Variants in SEPSECS observed in about 807,000 individuals in gnomAD.
SEPSECS encodes Sep (O-phosphoserine) tRNA:Sec (selenocysteine) tRNA synthase.
SEPSECS carries 42 observed loss-of-function variants against 52.1 expected under a neutral mutation model. That is an observed-to-expected ratio of 0.81 (90% CI 0.63 to 1.04). The LOEUF is 1.04. SEPSECS is among the 50% of genes least tolerant of loss of function. The probability of loss-of-function intolerance (pLI) is 0.00; values close to 1 mark genes in which losing one functional copy is unlikely to be tolerated. For missense variants in SEPSECS, 590 were observed against 610.6 expected (o/e 0.97, Z 0.36); for synonymous variants, 216 against 211.4 (o/e 1.02, Z -0.19).
Position 25,121,285 on chromosome 4 carries a change from T to C in SEPSECS, c.*2646A>G, listed in dbSNP as rs1728114277. 6.6e-6 allele frequency: 1 copy of C among 152,148 alleles called. No homozygotes were observed. The highest frequency in any genetic ancestry group is 1.9e-4 in the East Asian group (1 of 5,190). The allele number at this position is 152,148 out of a possible 1,614,324, so 9.4% of individuals were successfully genotyped here. ...TTCCCTGCCATGTATAAGTAACACATTGTGTAGTGACCAAAAGAATATTCT... is the reference window on the plus strand; with the variant it reads ...TTCCCTGCCATGTATAAGTAACACACTGTGTAGTGACCAAAAGAATATTCT... On this transcript the variant is annotated 3_prime_UTR_variant, in exon 11 of 11. Transcript: ENST00000382103.
rs1577598185 is a variant in SEPSECS at position 25,124,222 on chromosome 4, A to G, written c.1215T>C (p.Val405=). The G allele has an allele frequency of 6.2e-7, 1 of 1,613,162 alleles. No homozygotes were observed. Among genetic ancestry groups the G allele is most frequent in the South Asian group, 1.1e-5 (1 of 91,044 alleles). ...CAGTTTGCATGGACCCAAGAGGCACAACCCTGAAAGAAGAAAGATTTACCA... is the reference window on the plus strand; with the variant it reads ...CAGTTTGCATGGACCCAAGAGGCACGACCCTGAAAGAAGAAAGATTTACCA... ...LFTRQVSGAR[V]VPLGSMQTVS... Residue 405 remains valine (V), a synonymous_variant, in exon 11 of 11, where the codon GTT becomes GTC. Transcript: ENST00000382103.
At chr4:25,137,589 G>A (rs912905866) in intron 8 of SEPSECS, among the ~76,000 whole-genome samples, 4 of 152,150 alleles carry the variant, frequency 2.6e-5, no homozygotes, top group Admixed American at 6.5e-5. Flanking sequence ...AGGTTGCAGA[G>A]AAATAGGAAC....
chr4:25,153,433 G>A (rs1712429106), intron 5 of SEPSECS, among the ~76,000 whole-genome samples: 1 of 150,412 alleles, frequency 6.6e-6, no homozygotes, highest in Admixed American at 6.6e-5. Flanking sequence ...TGGTTAGGGT[G>A]TGTTAAAAAA....
At chr4:25,160,555 G>T, upstream of SEPSECS, 1 of 520,118 alleles carries the variant, frequency 1.9e-6, no homozygotes, top group African/African-American at 2.0e-5. Flanking sequence ...CTTCTCAGAT[G>T]GCGCTCCAGG....
In SEPSECS at chr4:25,122,440, T is replaced by C. The variant is rs1210458632; in HGVS notation, c.*1491A>G. ...GAAGGCAACACAGCATTCTCTACCA[T>C]AGTGTTTTTAAAAGTATGTTCAATG... On this transcript the variant is annotated 3_prime_UTR_variant, in exon 11 of 11. Transcript: ENST00000382103. 6.6e-6 allele frequency: 1 copy of C among 152,186 alleles called. No homozygotes were observed. The highest frequency in any genetic ancestry group is 1.5e-5 in the Non-Finnish European group (1 of 68,014). The allele number at this position is 152,186 out of a possible 1,614,324, so 9.4% of individuals were successfully genotyped here. A position where few individuals can be genotyped will look rare whatever the true frequency, so the allele number is the denominator to read the frequency against.
chr4:25,145,687 T>G (rs1257843063), intron 6 of SEPSECS, among the ~76,000 whole-genome samples: 1 of 152,182 alleles, frequency 6.6e-6, no homozygotes, highest in Non-Finnish European at 1.5e-5. Context: ...CTATAACTAT[T>G]AAGTGGTTTT....
chr4:25,157,751 T>C (rs1290673863), intron 2 of SEPSECS, among the ~76,000 whole-genome samples: 1 of 152,118 alleles, frequency 6.6e-6, no homozygotes, highest in Non-Finnish European at 1.5e-5. Context: ...TTCACCATGT[T>C]AGCCAGGATG....
rs1712697235 is a variant in SEPSECS, at chr4:25,156,948, C to T, written c.296G>A (p.Gly99Asp). ...TTTTGGTTGCACAGCAGAAATATCA[C>T]CGGATCGTCCAATGCCATGAATGAA... ...YRFIHGIGRS[G>D]DISAVQPKAA... is the part of the protein sequence containing the mutation. Residue 99 changes from glycine (G) to aspartate (D), a missense_variant, in exon 3 of 11, where the codon GGT becomes GAT. By Grantham distance (94) the Gly-to-Asp change is moderately conservative. Transcript: ENST00000382103. 1 of 1,612,266 alleles carries T rather than the reference C, an allele frequency of 6.2e-7. No homozygotes were observed.
chr4:25,154,320 A>G (rs1712484075), intron 5 of SEPSECS, among the ~76,000 whole-genome samples: 1 of 152,168 alleles, frequency 6.6e-6, no homozygotes, highest in Admixed American at 6.5e-5. Context: ...AAGTCAATAT[A>G]GTGCTTACAA....
chr4:25,160,342 C>T lies in SEPSECS; in HGVS notation c.28G>A (p.Glu10Lys). The change falls in exon 1 of 11, where the codon GAG becomes AAG. Residue 10 changes from glutamate (E) to lysine (K), a missense_variant. Coordinates refer to ENST00000382103, the MANE Select transcript of SEPSECS (RefSeq NM_016955.4). The part of the protein sequence containing the change: MNRESFAAG[E>K]RLVSPAYVRQ... ...ACGTAAGCCGGCGACACCAGCCGCT[C>T]TCCCGCCGCGAAGCTCTCGCGGTTC... 1 of 1,548,570 alleles carries T rather than the reference C, an allele frequency of 6.5e-7. No individual in the cohort carries two copies.
chr4:25,153,332 A>G (rs1311793566), intron 5 of SEPSECS, among the ~76,000 whole-genome samples: 2 of 151,826 alleles, frequency 1.3e-5, no homozygotes, highest in South Asian at 4.1e-4. Flanking sequence ...TTCTTTGAAA[A>G]TAAGGCTCCA....
chr4:25,134,650 C>T (rs1194328096), intron 8 of SEPSECS, among the ~76,000 whole-genome samples: 1 of 151,918 alleles, frequency 6.6e-6, no homozygotes, highest in Non-Finnish European at 1.5e-5. Flanking sequence ...GTTTAATTTG[C>T]TAATTAAATA....
chr4:25,152,089 GACAT>G, intron 5 of SEPSECS, 27 bp from the exon 6 acceptor site: 1 of 1,254,464 alleles, frequency 8.0e-7, no homozygotes, highest in Non-Finnish European at 1.2e-6. Context: ...TCAATAGAAA[GACAT>G]ACTCACACTG....
chr4:25,122,204 C>T lies in SEPSECS; in HGVS notation c.*1727G>A, dbSNP rs886059345. On this transcript the variant is annotated 3_prime_UTR_variant, in exon 11 of 11. Transcript: ENST00000382103. ...ATAAAATAAATACATTTTTAAATAACCTTCATGATATTCATAGTTAAATAC... is the reference window on the plus strand; with the variant it reads ...ATAAAATAAATACATTTTTAAATAATCTTCATGATATTCATAGTTAAATAC... 7.9e-5 allele frequency: 12 copies of T among 152,022 alleles called. No individual in the cohort carries two copies. Among genetic ancestry groups the T allele is most frequent in the Non-Finnish European group, 1.3e-4 (9 of 67,966 alleles). The allele number at this position is 152,022 out of a possible 1,614,324, so 9.4% of individuals were successfully genotyped here.
At chr4:25,146,248 A>C (rs762433725) in intron 6 of SEPSECS, among the ~76,000 whole-genome samples, 13 of 152,208 alleles carry the variant, frequency 8.5e-5, no homozygotes, top group Non-Finnish European at 1.6e-4. Flanking sequence ...TATCTGAGGG[A>C]GAACAGAAGG....
At chr4:25,153,425 G>C (rs1712428470) in intron 5 of SEPSECS, among the ~76,000 whole-genome samples, 1 of 151,074 alleles carries the variant, frequency 6.6e-6, no homozygotes, top group African/African-American at 2.4e-5. Context: ...TCTGTTAATG[G>C]TTAGGGTGTG....
chr4:25,158,920 G>A (rs763316979), intron 2 of SEPSECS, 33 bp downstream of exon 2: 4 of 1,595,208 alleles, frequency 2.5e-6, no homozygotes, highest in Admixed American at 1.7e-5. Flanking sequence ...ATAAATAAAC[G>A]ATGTATCTCC....
intron 8 of SEPSECS, among the ~76,000 whole-genome samples, chr4:25,141,280 C>G (rs1385463058): frequency 6.6e-6 from 1 of 152,108 alleles, no homozygotes; most frequent in African/African-American, 2.4e-5. Flanking sequence ...GTCCTTATAC[C>G]TCTTTTCTGT....
At chr4:25,139,308 C>A (rs556897787) in intron 8 of SEPSECS, among the ~76,000 whole-genome samples, 1 of 150,792 alleles carries the variant, frequency 6.6e-6, no homozygotes, top group Non-Finnish European at 1.5e-5. Context: ...GGGGCCAATA[C>A]TATTTTTAAA....
Sources: gnomAD v4.1 joint callset for allele counts (sites outside exome capture counted in the v4.1 genomes callset) on GRCh38, gnomAD v4.1.1 for gene constraint, MANE v1.5 for transcripts, NCBI Gene and HGNC (gene_info 2026-07-23, HGNC 2026-07-21) for gene names.